CKAP2: variants seen among roughly 807,000 people sequenced by gnomAD.
CKAP2 encodes cytoskeleton associated protein 2, also known as cytoskeleton-associated protein 2.
CKAP2 carries 46 observed loss-of-function variants against 58.4 expected under a neutral mutation model. The ratio of observed to expected loss-of-function variants is 0.79; its 90% CI spans 0.62 to 1.01. CKAP2 has a LOEUF of 1.01. Ranked by LOEUF, CKAP2 falls within the 50% of genes least tolerant of loss-of-function variation. The pLI is 0.00. For missense variants in CKAP2, 809 were observed against 796.4 expected, an observed-to-expected ratio of 1.02 and a Z score of -0.19; for synonymous variants, 293 against 280.9, an observed-to-expected ratio of 1.04 and a Z score of -0.43.
At chr13:52,455,886 G>T in intron 1 of CKAP2, 1 of 1,049,390 alleles carries the variant, frequency 9.5e-7, no homozygotes, top group Non-Finnish European at 1.2e-6. Flanking sequence ...GTTAGGCGAG[G>T]GGAAACGCGC....
At chr13:52,463,117 T>C (rs937135275) in intron 5 of CKAP2, among the ~76,000 whole-genome samples, 1 of 152,132 alleles carries the variant, frequency 6.6e-6, no homozygotes, top group Non-Finnish European at 1.5e-5. Flanking sequence ...TTTGTATTTT[T>C]AGTAGAGACA....
Position 52,456,546 on chromosome 13 carries a change from G to C in CKAP2, c.94G>C (p.Glu32Gln), listed in dbSNP as rs748282990. 21 of 1,613,424 alleles carry C rather than the reference G, an allele frequency of 1.3e-5. No individual in the cohort carries two copies. Among genetic ancestry groups the C allele is most frequent in the Non-Finnish European group, 1.8e-5 (21 of 1,179,730 alleles). Residue 32 changes from glutamate (E) to glutamine (Q), a missense_variant, in exon 2 of 9, where the codon GAA becomes CAA. Glu to Gln is a conservative substitution (Grantham distance 29). Around this residue, in one of 3 missense-constraint regions of CKAP2, gnomAD observed 523 missense variants for 492.4 expected, o/e 1.06. Coordinates refer to ENST00000258607, the MANE Select transcript of CKAP2 (RefSeq NM_018204.5). The stretch of plus-strand genomic sequence containing the variant: ...AGAGCAAAGAAGACAAAAACTCAAG[G>C]AACATCTGTTGAGAAGAAAAACGCT... ...FKEQRRQKLK[E>Q]HLLRRKTLFA...
chr13:52,464,287 T>C (rs1223096245), intron 5 of CKAP2, among the ~76,000 whole-genome samples: 1 of 152,112 alleles, frequency 6.6e-6, no homozygotes. Flanking sequence ...GTGGGGTGGC[T>C]CACGCCTGTA....
At chr13:52,460,025 ATTT>A (rs1319159087) in intron 2 of CKAP2, among the ~76,000 whole-genome samples, 1 of 151,546 alleles carries the variant, frequency 6.6e-6, no homozygotes, top group African/African-American at 2.4e-5. Context: ...CACCCAACTA[ATTT>A]TTTATTTTTT....
rs1472809236 is a variant in CKAP2 at position 52,462,522 on chromosome 13, A to G, written c.1260A>G (p.Glu420=). 1.2e-6 allele frequency: 2 copies of G among 1,614,076 alleles called. No homozygotes were observed. The highest frequency in any genetic ancestry group is 2.2e-5 in the East Asian group (1 of 44,856). ...AAGATGAACAAAGATTATTTACTGAAAAAGTAAACAACACATTTTCTGAAT... is the reference window on the plus strand; with the variant it reads ...AAGATGAACAAAGATTATTTACTGAGAAAGTAAACAACACATTTTCTGAAT... The part of the protein sequence containing the change: ...AEEDEQRLFT[E]KVNNTFSECL... The change falls in exon 5 of 9, where the codon GAA becomes GAG. Residue 420 remains glutamate (E), a synonymous_variant. Coordinates refer to ENST00000258607, the MANE Select transcript of CKAP2 (RefSeq NM_018204.5).
chr13:52,466,004 T>C (rs897183689), intron 6 of CKAP2, among the ~76,000 whole-genome samples: 2 of 151,476 alleles, frequency 1.3e-5, no homozygotes, highest in East Asian at 1.9e-4. Context: ...CACATATATA[T>C]ACACACATAC....
rs778122467 is a variant in CKAP2 at position 52,461,935 on chromosome 13, A to G, written c.1100+9A>G. ...ACCTCGGAAGAGAGAAAGTAAGTAGATATAATTTTCTTTATTACATTAGTT... is the reference window on the plus strand; with the variant it reads ...ACCTCGGAAGAGAGAAAGTAAGTAGGTATAATTTTCTTTATTACATTAGTT... On this transcript the variant is annotated intron_variant, in intron 4 of 8. Transcript: ENST00000258607. 24 of 1,566,196 alleles carry G rather than the reference A, an allele frequency of 1.5e-5. No homozygotes were observed. The highest frequency in any genetic ancestry group is 1.9e-5 in the Non-Finnish European group (22 of 1,161,952).
chr13:52,456,758 A>G (rs1452540448), intron 2 of CKAP2, 151 bp downstream of exon 2: 7 of 627,334 alleles, frequency 1.1e-5, no homozygotes, highest in Admixed American at 5.8e-5. Flanking sequence ...TTTTTGTGGT[A>G]CAACGTCTTT....
At chr13:52,472,420 C>T (rs1444588535) in intron 7 of CKAP2, among the ~76,000 whole-genome samples, 1 of 152,204 alleles carries the variant, frequency 6.6e-6, no homozygotes, top group African/African-American at 2.4e-5. Flanking sequence ...ACTTAAAACT[C>T]AGTCACTATC....
At chr13:52,474,731 A>G (rs1210380719) in intron 8 of CKAP2, among the ~76,000 whole-genome samples, 164 bp from the exon 9 acceptor site, 2 of 152,252 alleles carry the variant, frequency 1.3e-5, no homozygotes, top group African/African-American at 2.4e-5. Flanking sequence ...TGAGAAAAGG[A>G]TAAGTTTCTC....
At chr13:52,470,922 G>C (rs576225204) in intron 7 of CKAP2, among the ~76,000 whole-genome samples, 1 of 152,180 alleles carries the variant, frequency 6.6e-6, no homozygotes, top group African/African-American at 2.4e-5. Flanking sequence ...CACTTTGGGA[G>C]GCCTAGGCGG....
rs529963385 is a variant in CKAP2, at chr13:52,464,580, C to A, written c.1306-715C>A. Reference sequence around the variant, plus strand: ...AAAAAAAAAAAAAAAAAAAACAATCCCATTCATCTAAGCCAACATCATCAT... The same window carrying A: ...AAAAAAAAAAAAAAAAAAAACAATCACATTCATCTAAGCCAACATCATCAT... On this transcript the variant is annotated intron_variant, in intron 5 of 8. Coordinates refer to ENST00000258607, the MANE Select transcript of CKAP2 (RefSeq NM_018204.5). 2.0e-5 allele frequency among the ~76,000 whole-genome samples: 3 copies of A among 151,508 alleles called. No individual in the cohort carries two copies. In the South Asian group the frequency reaches 6.3e-4, roughly 32 times the overall value.
chr13:52,464,668 G>C (rs1468021709), intron 5 of CKAP2, among the ~76,000 whole-genome samples: 1 of 151,386 alleles, frequency 6.6e-6, no homozygotes, highest in African/African-American at 2.4e-5. Context: ...ATAATAATCA[G>C]CTCCAGAACA....
Position 52,461,159 on chromosome 13 carries a change from A to C in CKAP2, c.333A>C (p.Ser111=). 1 of 1,613,646 alleles carries C rather than the reference A, an allele frequency of 6.2e-7. No individual in the cohort carries two copies. Among genetic ancestry groups the C allele is most frequent in the Non-Finnish European group, 8.5e-7 (1 of 1,179,926 alleles). The change falls in exon 4 of 9, where the codon TCA becomes TCC. Residue 111 remains serine (S), a synonymous_variant. Transcript: ENST00000258607. ...PLKPSNELTN[S]TVVIDTHKPK... ...AACCTTCAAATGAACTAACCAATTCAACTGTAGTAATTGACACACATAAAC... is the reference window on the plus strand; with the variant it reads ...AACCTTCAAATGAACTAACCAATTCCACTGTAGTAATTGACACACATAAAC...
At position 52,461,853 on chromosome 13, in the gene CKAP2, C is replaced by T. The variant is rs1484553311; in HGVS notation, c.1027C>T (p.Arg343Ter). Residue 343 changes from arginine (R) to a stop codon, truncating the protein, a stop_gained, in exon 4 of 9, where the codon CGA (arginine) becomes TGA (stop). Coordinates refer to ENST00000258607, the MANE Select transcript of CKAP2 (RefSeq NM_018204.5). LOFTEE classifies it high-confidence loss of function. Reference protein sequence around the residue: ...LMEKSEPVDQRRHTAGKAIVD... With the variant: ...LMEKSEPVDQ ...GGAAAAGTCAGAGCCCGTTGACCAG[C>T]GAAGACATACTGCAGGAAAAGCAAT... 9 of 1,613,880 alleles carry T rather than the reference C, an allele frequency of 5.6e-6. No homozygotes were observed. Among genetic ancestry groups the T allele is most frequent in the Middle Eastern group, 1.6e-4 (1 of 6,084 alleles).
At chr13:52,457,329 A>G (rs968129440) in intron 2 of CKAP2, among the ~76,000 whole-genome samples, 4 of 152,206 alleles carry the variant, frequency 2.6e-5, no homozygotes, top group South Asian at 2.1e-4. Flanking sequence ...ATTATTTAGC[A>G]AAGCTTTTTA....
intron 7 of CKAP2, among the ~76,000 whole-genome samples, chr13:52,472,188 C>T (rs1327589235): frequency 6.6e-6 from 1 of 152,110 alleles, no homozygotes; most frequent in Non-Finnish European, 1.5e-5. Context: ...TTTAGTGCAC[C>T]TGTTTTGTGC....
Position 52,465,469 on chromosome 13 carries a change from A to G in CKAP2, c.1476+4A>G, listed in dbSNP as rs1294318426. On this transcript the variant is annotated splice_donor_region_variant and intron_variant, in intron 6 of 8. Transcript: ENST00000258607. ...AGCCATTCTGGCAGGGGCTCAGGTA[A>G]GATAAAAATTTACTGATCTTTACAA... The G allele has an allele frequency of 3.1e-6, 5 of 1,609,426 alleles. No individual in the cohort carries two copies. In the South Asian group the frequency reaches 4.4e-5, roughly 14 times the overall value.
intron 3 of CKAP2, 22 bp downstream of exon 3, chr13:52,460,996 C>G (rs113062030): frequency 6.2e-7 from 1 of 1,609,264 alleles, no homozygotes; most frequent in Non-Finnish European, 8.5e-7. Flanking sequence ...ACATAGCACT[C>G]TTAAACTGTC....
Sources: gnomAD v4.1 joint callset for allele counts (sites outside exome capture counted in the v4.1 genomes callset) on GRCh38, gnomAD v4.1.1 for gene constraint, gnomAD v4.1.1 regional missense constraint, MANE v1.5 for transcripts, NCBI Gene and HGNC (gene_info 2026-07-23, HGNC 2026-07-21) for gene names.